LDB1: variants seen among roughly 807,000 people sequenced by gnomAD.
The protein encoded by LDB1 is LIM domain binding 1.
Under a neutral mutation model 49.7 loss-of-function variants are expected in LDB1, and 6 were observed. The observed-to-expected ratio is 0.12, with a 90% CI of 0.07 to 0.24. The LOEUF is 0.24. Ranked by LOEUF, LDB1 falls within the 10% of genes least tolerant of loss-of-function variation. The probability of loss-of-function intolerance (pLI) is 1.00; values close to 1 mark genes in which losing one functional copy is unlikely to be tolerated. For synonymous variants in LDB1, 233 were observed against 202.0 expected, an observed-to-expected ratio of 1.15 and a Z score of -1.30; for missense variants, 341 against 561.7, an observed-to-expected ratio of 0.61 and a Z score of 3.97.
At chr10:102,116,187 AT>A (rs2068334142) in intron 1 of LDB1, among the ~76,000 whole-genome samples, 1 of 152,150 alleles carries the variant, frequency 6.6e-6, no homozygotes, top group Non-Finnish European at 1.5e-5. Context: ...AACCTGTGAT[AT>A]ATCTTTTTTC....
At chr10:102,102,226 CAT>C (rs2068127673), downstream of LDB1, among the ~76,000 whole-genome samples, 2 of 152,200 alleles carry the variant, frequency 1.3e-5, no homozygotes, top group Admixed American at 1.3e-4. Flanking sequence ...CACCTGGCCC[CAT>C]ATGATAGCCT....
chr10:102,113,404 C>CG (rs1043055468), intron 1 of LDB1, among the ~76,000 whole-genome samples: 1 of 152,198 alleles, frequency 6.6e-6, no homozygotes, highest in African/African-American at 2.4e-5. Flanking sequence ...CGAGCTCTCA[C>CG]GGGCCACATC....
At chr10:102,118,598 C>T (rs1020441365) in intron 1 of LDB1, among the ~76,000 whole-genome samples, 5 of 152,218 alleles carry the variant, frequency 3.3e-5, no homozygotes, top group Admixed American at 6.5e-5. Context: ...TACCCGCTTA[C>T]CCACTATTTG....
intron 1 of LDB1, chr10:102,114,311 C>T (rs1199344739): frequency 2.0e-6 from 2 of 985,326 alleles, no homozygotes; most frequent in Non-Finnish European, 2.4e-6. Flanking sequence ...CGGCTCTGGG[C>T]TGGGGCACCT....
downstream of LDB1, among the ~76,000 whole-genome samples, chr10:102,105,940 G>C (rs1278042993): frequency 6.6e-6 from 1 of 152,034 alleles, no homozygotes; most frequent in African/African-American, 2.4e-5. Flanking sequence ...TCATGCCACT[G>C]CCCTCCAGCC....
chr10:102,111,795 G>A (rs2068258646), intron 1 of LDB1, among the ~76,000 whole-genome samples: 1 of 152,166 alleles, frequency 6.6e-6, no homozygotes, highest in South Asian at 2.1e-4. Context: ...ACACTGAAGT[G>A]AGCGGAGATC....
chr10:102,108,922 G>A (rs1459310677), intron 10 of LDB1, 107 bp downstream of exon 10: 5 of 1,475,710 alleles, frequency 3.4e-6, no homozygotes, highest in Non-Finnish European at 4.7e-6. Context: ...GAGTACATGA[G>A]AAAAACTGTC....
In LDB1 at chr10:102,114,441, G is replaced by A. The variant is rs1472973576; in HGVS notation, c.26-2905C>T. 3.0e-6 allele frequency: 3 copies of A among 986,172 alleles called. No individual in the cohort carries two copies. In the East Asian group the frequency reaches 3.4e-4, roughly 112 times the overall value. The allele number at this position is 986,172 out of a possible 1,614,324, so 61.1% of individuals were successfully genotyped here. A position where few individuals can be genotyped will look rare whatever the true frequency, so the allele number is the denominator to read the frequency against. On this transcript the variant is annotated intron_variant, in intron 1 of 10. Transcript: ENST00000673968. Reference sequence around the variant, plus strand: ...TGAGGGGGCCAGGAGAGGTACGGGGGAGCGACTGCAAGCCCAGAGGAGTCC... The same window carrying A: ...TGAGGGGGCCAGGAGAGGTACGGGGAAGCGACTGCAAGCCCAGAGGAGTCC...
chr10:102,107,969 C>A lies in LDB1; in HGVS notation c.*124G>T, dbSNP rs1030593770. ...TGCCCCCAGAGAGTCCAGTTCCTCC[C>A]TGAAGCGGGTGGATGGAGGCTGCCC... On this transcript the variant is annotated 3_prime_UTR_variant, in exon 11 of 11. Transcript: ENST00000673968. The A allele has an allele frequency of 7.1e-5, 58 of 822,622 alleles. No homozygotes were observed. The highest frequency in any genetic ancestry group is 9.2e-5 in the Non-Finnish European group (46 of 499,424). The allele number at this position is 822,622 out of a possible 1,614,324, so 51.0% of individuals were successfully genotyped here. A position where few individuals can be genotyped will look rare whatever the true frequency, so the allele number is the denominator to read the frequency against.
At chr10:102,106,331 T>C (rs2068159281), downstream of LDB1, among the ~76,000 whole-genome samples, 1 of 150,136 alleles carries the variant, frequency 6.7e-6, no homozygotes, top group African/African-American at 2.4e-5. Context: ...GGGTCTTGGG[T>C]GAAGGAGAAG....
chr10:102,102,221 G>A (rs2068127615), downstream of LDB1, among the ~76,000 whole-genome samples: 1 of 152,212 alleles, frequency 6.6e-6, no homozygotes. Flanking sequence ...CACCGCACCT[G>A]GCCCCATATG....
chr10:102,114,812 G>GGGGGCCCCC, intron 1 of LDB1: 50 of 929,768 alleles, frequency 5.4e-5, no homozygotes, highest in Non-Finnish European at 6.0e-5. Flanking sequence ...CCTCCGAGCA[G>GGGGGCCCCC]CCCGCCCGCC....
rs140026409 is a variant in LDB1, at chr10:102,115,802, T to C, written c.26-4266A>G. Among the ~76,000 whole-genome samples, 11 of 150,788 alleles carry C rather than the reference T, an allele frequency of 7.3e-5. No homozygotes were observed. The East Asian group carries it at 2.1e-3, about 29-fold the overall frequency. On this transcript the variant is annotated intron_variant, in intron 1 of 10. Transcript: ENST00000673968. ...CAGGGCATCCCAAGGGAGCAGATAT[T>C]TCTATTTTTTTTCCTAAGGTAATTT...
chr10:102,118,098 T>G (rs1345749389), intron 1 of LDB1, among the ~76,000 whole-genome samples: 1 of 152,128 alleles, frequency 6.6e-6, no homozygotes, highest in Non-Finnish European at 1.5e-5. Context: ...GGGAAATCTT[T>G]GGGCCTGGAC....
In LDB1 at chr10:102,120,105, T is replaced by G; in HGVS notation, c.6A>C (p.Ser2=). M[S]VGCACPGCSS... Reference sequence around the variant, plus strand: ...ACTCACCAGGACAGGCACAGCCCACTGACATCTTCACATCGCCCGCCTCTG... The same window carrying G: ...ACTCACCAGGACAGGCACAGCCCACGGACATCTTCACATCGCCCGCCTCTG... The change falls in exon 1 of 11, where the codon TCA becomes TCC. Residue 2 remains serine, a synonymous_variant. Coordinates refer to ENST00000673968, the MANE Select transcript of LDB1 (RefSeq NM_001113407.3). The G allele has an allele frequency of 1.4e-6, 2 of 1,383,608 alleles. No individual in the cohort carries two copies. The highest frequency in any genetic ancestry group is 1.9e-6 in the Non-Finnish European group (2 of 1,055,096). 85.7% of individuals were successfully genotyped at this position (1,383,608 alleles called of 1,614,324 possible).
chr10:102,114,904 TCAAA>T (rs1248613229), intron 1 of LDB1: 1 of 936,820 alleles, frequency 1.1e-6, no homozygotes, highest in African/African-American at 1.9e-5. Context: ...ACTCGCACAC[TCAAA>T]CACACACGCA....
chr10:102,120,380 CGT>C (rs2068402483), upstream of LDB1: 3 of 984,198 alleles, frequency 3.0e-6, no homozygotes, highest in South Asian at 1.4e-4. Flanking sequence ...TCCGTGTGTG[CGT>C]GTGTGCGCGT....
Position 102,120,362 on chromosome 10 carries a change from AGT to A in LDB1, c.-254_-253del, listed in dbSNP as rs1270987861. The A allele has an allele frequency of 3.1e-6, 3 of 982,992 alleles. No individual in the cohort carries two copies. Among genetic ancestry groups the A allele is most frequent in the Non-Finnish European group, 3.6e-6 (3 of 829,150 alleles). The allele number at this position is 982,992 out of a possible 1,614,324, so 60.9% of individuals were successfully genotyped here. ...TGTGCGCGCGGGTGTGAGTCCGCGG[AGT>A]GTGTGTCCGTGTGTGCGTGTGTGCG... is the stretch of plus-strand genomic sequence containing the variant. On this transcript the variant is annotated 5_prime_UTR_variant, in exon 1 of 11. Coordinates refer to ENST00000673968, the MANE Select transcript of LDB1 (RefSeq NM_001113407.3).
rs2068353648 is a variant in LDB1, at chr10:102,117,798, C to T, written c.25+2288G>A. The stretch of plus-strand genomic sequence containing the variant: ...CTTAGTCAGAGGCTCTCCCTGCTCC[C>T]AGCCATTCCAGCCCCAGAAGCTGGT... On this transcript the variant is annotated intron_variant, in intron 1 of 10. Coordinates refer to ENST00000673968, the MANE Select transcript of LDB1 (RefSeq NM_001113407.3). The surrounding 1 kb of genome is among the most constrained non-coding windows in gnomAD (Gnocchi z 4.2). Among the ~76,000 whole-genome samples, 1 of 152,220 alleles carries T rather than the reference C, an allele frequency of 6.6e-6. No individual in the cohort carries two copies. The highest frequency in any genetic ancestry group is 2.4e-5 in the African/African-American group (1 of 41,454).
Sources: allele counts gnomAD v4.1 joint callset (sites outside exome capture counted in the v4.1 genomes callset), GRCh38; gene constraint gnomAD v4.1.1; non-coding constraint Gnocchi (gnomAD v3.1); transcripts MANE v1.5; gene names NCBI Gene and HGNC (gene_info 2026-07-23, HGNC 2026-07-21).